Variants in RAPGEF4 observed in about 807,000 individuals in gnomAD.
RAPGEF4 encodes RAP guanine-nucleotide-exchange factor (GEF) 4.
Under a neutral mutation model 147.9 loss-of-function variants are expected in RAPGEF4, and 66 were observed. That is an observed-to-expected ratio of 0.45 (90% CI 0.37 to 0.55). The LOEUF is 0.55. Among genes scored for constraint, RAPGEF4 ranks in the 20% least tolerant of loss-of-function variants. RAPGEF4 has a pLI of 0.00. For missense variants in RAPGEF4, 1,071 were observed against 1,257.3 expected (o/e 0.85, Z 2.24); for synonymous variants, 419 against 442.7 (o/e 0.95, Z 0.67).
intron 4 of RAPGEF4, among the ~76,000 whole-genome samples, chr2:172,914,319 ATTTTTTTTTTTTTTTTTTTT>A (rs573065663): frequency 2.2e-4 from 14 of 62,412 alleles, no homozygotes; most frequent in Non-Finnish European, 1.4e-4. Flanking sequence ...GGAAATATGC[ATTTTTTTTTTTTTTTTTTTT>A]TTTTTTTTTT....
chr2:173,019,510 T>C (rs1223454394), intron 22 of RAPGEF4, among the ~76,000 whole-genome samples: 1 of 152,200 alleles, frequency 6.6e-6, no homozygotes, highest in Non-Finnish European at 1.5e-5. Context: ...CCACATATTG[T>C]AGTGAGAGAC....
intron 4 of RAPGEF4, chr2:172,814,655 A>C: frequency 1.9e-6 from 1 of 528,054 alleles, no homozygotes; most frequent in Middle Eastern, 5.1e-4. Flanking sequence ...GTAGTTTGAC[A>C]TACCTTATAA....
At chr2:172,799,841 C>A (rs551987016) in intron 3 of RAPGEF4, among the ~76,000 whole-genome samples, 1 of 152,214 alleles carries the variant, frequency 6.6e-6, no homozygotes. Flanking sequence ...TACATAACAC[C>A]AGCTCTTATG....
intron 4 of RAPGEF4, 49 bp downstream of exon 4, chr2:172,814,474 G>A (rs1490485486): frequency 1.9e-6 from 3 of 1,588,930 alleles, no homozygotes; most frequent in Non-Finnish European, 2.6e-6. Context: ...AGAAAAGAAA[G>A]GGAGCTGCCA....
chr2:172,800,178 C>T (rs937180845), intron 3 of RAPGEF4, among the ~76,000 whole-genome samples: 1 of 152,138 alleles, frequency 6.6e-6, no homozygotes, highest in African/African-American at 2.4e-5. Context: ...TTTCATCCCA[C>T]AATGTTCAAC....
At chr2:172,884,090 C>T (rs993061206) in intron 4 of RAPGEF4, among the ~76,000 whole-genome samples, 5 of 152,142 alleles carry the variant, frequency 3.3e-5, no homozygotes, top group African/African-American at 4.8e-5. Context: ...ACAACAGTGA[C>T]CTCTGATGAC....
At chr2:172,798,325 G>A (rs140980174) in intron 3 of RAPGEF4, among the ~76,000 whole-genome samples, 5 of 151,922 alleles carry the variant, frequency 3.3e-5, no homozygotes, top group African/African-American at 9.7e-5. Context: ...TATTTAAGTC[G>A]AACCCAGGGC....
At chr2:172,942,813 C>T (rs936666199) in intron 6 of RAPGEF4, among the ~76,000 whole-genome samples, 4 of 151,996 alleles carry the variant, frequency 2.6e-5, no homozygotes, top group Admixed American at 2.6e-4. Context: ...CAACATATAA[C>T]CAATATATTA....
At chr2:172,873,537 G>A (rs2149818750) in intron 4 of RAPGEF4, among the ~76,000 whole-genome samples, 1 of 152,208 alleles carries the variant, frequency 6.6e-6, no homozygotes, top group East Asian at 1.9e-4. Flanking sequence ...TAATCATTTA[G>A]CACAAACTAG....
At chr2:172,742,483 G>C (rs543288461) in intron 1 of RAPGEF4, among the ~76,000 whole-genome samples, 4 of 152,224 alleles carry the variant, frequency 2.6e-5, no homozygotes, top group African/African-American at 9.6e-5. Context: ...TCTAGAGTTT[G>C]ACTTTTTGGT....
At chr2:172,881,832 G>A (rs1696667634) in intron 4 of RAPGEF4, among the ~76,000 whole-genome samples, 1 of 152,180 alleles carries the variant, frequency 6.6e-6, no homozygotes, top group African/African-American at 2.4e-5. Context: ...GAATTCATCA[G>A]TGGCCTTTAA....
chr2:172,819,818 G>A (rs1688898783), intron 4 of RAPGEF4, among the ~76,000 whole-genome samples: 1 of 152,178 alleles, frequency 6.6e-6, no homozygotes. Context: ...TTTGACACTA[G>A]TGGCATTTTC....
intron 3 of RAPGEF4, among the ~76,000 whole-genome samples, chr2:172,814,075 C>T (rs894283954): frequency 1.3e-5 from 2 of 152,048 alleles, no homozygotes; most frequent in East Asian, 1.9e-4. Context: ...GAAAGGGGCA[C>T]GAGGGGACTT....
intron 4 of RAPGEF4, among the ~76,000 whole-genome samples, chr2:172,882,943 T>C (rs1235062432): frequency 1.3e-5 from 2 of 152,286 alleles, no homozygotes; most frequent in South Asian, 2.1e-4. Flanking sequence ...AGTCCAATTG[T>C]TGCATTTACT....
At chr2:172,845,416 A>G (rs144253757) in intron 4 of RAPGEF4, among the ~76,000 whole-genome samples, 101 of 152,292 alleles carry the variant, frequency 6.6e-4, no homozygotes, top group African/African-American at 1.8e-3. Context: ...GGGCAGGATT[A>G]AAATGCAAAC....
At chr2:172,868,508 A>G (rs950029944) in intron 4 of RAPGEF4, among the ~76,000 whole-genome samples, 3 of 152,146 alleles carry the variant, frequency 2.0e-5, no homozygotes, top group Non-Finnish European at 4.4e-5. Flanking sequence ...GAATCTTTGT[A>G]TTGGGGAGTG....
intron 17 of RAPGEF4, among the ~76,000 whole-genome samples, chr2:173,005,319 A>G (rs7585997): frequency 0.63 from 95,671 of 151,684 alleles, 30,289 homozygotes; most frequent in East Asian, 0.89. Context: ...AAACTCTGCC[A>G]TATTCTTGTT....
At chr2:172,926,874 G>A (rs1200202366) in intron 6 of RAPGEF4, among the ~76,000 whole-genome samples, 2 of 152,116 alleles carry the variant, frequency 1.3e-5, no homozygotes, top group African/African-American at 4.8e-5. Flanking sequence ...CCAGCCCGAG[G>A]TCCTCATTTT....
chr2:172,756,761 G>A (rs1386559643), intron 1 of RAPGEF4, among the ~76,000 whole-genome samples: 2 of 152,174 alleles, frequency 1.3e-5, no homozygotes, highest in Non-Finnish European at 2.9e-5. Flanking sequence ...CTGAGCTAAC[G>A]TGTTAAAGAG....
Sources: allele counts gnomAD v4.1 joint callset (sites outside exome capture counted in the v4.1 genomes callset), GRCh38; gene constraint gnomAD v4.1.1; transcripts MANE v1.5; gene names NCBI Gene and HGNC (gene_info 2026-07-23, HGNC 2026-07-21).